CADM2: variants seen among roughly 807,000 people sequenced by gnomAD.
CADM2 encodes the protein immunoglobulin superfamily member 4D.
In CADM2, 12 loss-of-function variants were observed where a neutral mutation model predicts 49.8. The observed-to-expected ratio is 0.24, with a 90% CI of 0.15 to 0.39. CADM2 has a LOEUF of 0.39. Among genes scored for constraint, CADM2 ranks in the 10% least tolerant of loss-of-function variants. The probability of loss-of-function intolerance (pLI) is 1.00; values close to 1 mark genes in which losing one functional copy is unlikely to be tolerated. For synonymous variants in CADM2, 214 were observed against 175.4 expected (o/e 1.22, Z -1.74); for missense variants, 378 against 492.3 (o/e 0.77, Z 2.20).
At position 85,259,355 on chromosome 3, in the gene CADM2, CT is replaced by C. The variant is rs374397240; in HGVS notation, c.61+299696del. ...TGTTTAATTTAGAAGATTTTTATTGCTTTTTTTTTCCTAATCATTTCTGATG... is the reference window on the plus strand; with the variant it reads ...TGTTTAATTTAGAAGATTTTTATTGCTTTTTTTTCCTAATCATTTCTGATG... On this transcript the variant is annotated intron_variant, in intron 1 of 9. Transcript: ENST00000383699. Among the ~76,000 whole-genome samples, 603 of 150,654 alleles carry C rather than the reference CT, an allele frequency of 4.0e-3. 2 individuals are homozygous for C. Among genetic ancestry groups the C allele is most frequent in the Middle Eastern group, 0.024 (7 of 292 alleles).
In CADM2 at chr3:85,411,736, G is replaced by A. The variant is rs538141628; in HGVS notation, c.62-314786G>A. ...TTTCAAGCTAACAAATTGACCTTAC[G>A]AAAGACAGAGTTGAGAAGTTATGCA... On this transcript the variant is annotated intron_variant, in intron 1 of 9. Coordinates refer to ENST00000383699, the MANE Select transcript of CADM2 (RefSeq NM_001167675.2). Among the ~76,000 whole-genome samples the A allele has an allele frequency of 6.6e-5, 10 of 152,286 alleles. No homozygotes were observed. In the South Asian group the frequency reaches 1.9e-3, roughly 28 times the overall value.
chr3:85,115,691 T>G (rs1352909383), intron 1 of CADM2, among the ~76,000 whole-genome samples: 6 of 152,206 alleles, frequency 3.9e-5, no homozygotes. Context: ...TAAAAGGTTA[T>G]TAATATACAG....
intron 1 of CADM2, among the ~76,000 whole-genome samples, chr3:85,011,332 A>G (rs1043179291): frequency 6.6e-6 from 1 of 151,686 alleles, no homozygotes; most frequent in Non-Finnish European, 1.5e-5. Flanking sequence ...CTACATATTC[A>G]TATTTATTTA....
intron 1 of CADM2, among the ~76,000 whole-genome samples, chr3:85,318,500 C>T (rs2044523311): frequency 6.6e-6 from 1 of 151,836 alleles, no homozygotes; most frequent in Admixed American, 6.6e-5. Flanking sequence ...TGCCAAAAAC[C>T]AAACAGAAAA....
At chr3:85,838,435 C>T (rs2074496313) in intron 3 of CADM2, among the ~76,000 whole-genome samples, 3 of 151,706 alleles carry the variant, frequency 2.0e-5, no homozygotes. Flanking sequence ...CTTGTGCAAC[C>T]CACCTTGGAA....
intron 1 of CADM2, among the ~76,000 whole-genome samples, chr3:85,145,643 G>T (rs1263671877): frequency 6.6e-6 from 1 of 151,982 alleles, no homozygotes; most frequent in Non-Finnish European, 1.5e-5. Context: ...TAGTTTGGCA[G>T]GCAAAAGAAT....
intron 6 of CADM2, among the ~76,000 whole-genome samples, chr3:85,916,607 T>C (rs1038912316): frequency 3.9e-5 from 6 of 152,140 alleles, no homozygotes; most frequent in African/African-American, 1.4e-4. Flanking sequence ...GTCTTTGCTA[T>C]TGTAAATAGT....
At chr3:85,743,785 C>G (rs184075699) in intron 2 of CADM2, among the ~76,000 whole-genome samples, 2 of 151,950 alleles carry the variant, frequency 1.3e-5, no homozygotes, top group African/African-American at 4.8e-5. Context: ...AAAAGAGATT[C>G]TAAAGTATTT....
intron 8 of CADM2, chr3:86,012,694 T>TA: frequency 8.4e-7 from 1 of 1,193,674 alleles, no homozygotes; most frequent in Non-Finnish European, 1.2e-6. Context: ...ACTTAGAAGA[T>TA]AAAACACCTG....
intron 1 of CADM2, among the ~76,000 whole-genome samples, chr3:85,573,123 G>A (rs1253742891): frequency 6.6e-6 from 1 of 151,732 alleles, no homozygotes; most frequent in East Asian, 1.9e-4. Context: ...ACATCTACAT[G>A]ACAATCTCAA....
At chr3:85,378,524 C>T (rs1034248744) in intron 1 of CADM2, among the ~76,000 whole-genome samples, 1 of 151,938 alleles carries the variant, frequency 6.6e-6, no homozygotes, top group African/African-American at 2.4e-5. Flanking sequence ...TGAGGACAAA[C>T]CAAATCTATT....
At chr3:85,458,105 G>C (rs577903211) in intron 1 of CADM2, among the ~76,000 whole-genome samples, 3 of 152,110 alleles carry the variant, frequency 2.0e-5, no homozygotes, top group African/African-American at 7.2e-5. Context: ...GGAAGCAAAC[G>C]CTTGTTCTTT....
At chr3:85,208,776 C>T (rs1014003259) in intron 1 of CADM2, among the ~76,000 whole-genome samples, 5 of 152,022 alleles carry the variant, frequency 3.3e-5, no homozygotes, top group Non-Finnish European at 5.9e-5. Flanking sequence ...ATTGCCAAGT[C>T]CCCTCAGCTG....
intron 1 of CADM2, among the ~76,000 whole-genome samples, chr3:85,052,902 T>G (rs1038939401): frequency 6.6e-6 from 1 of 152,074 alleles, no homozygotes; most frequent in Non-Finnish European, 1.5e-5. Flanking sequence ...CAAATTTTCT[T>G]GTTTGTTCTA....
chr3:86,055,496 T>C (rs1439969280), intron 8 of CADM2, among the ~76,000 whole-genome samples: 2 of 141,616 alleles, frequency 1.4e-5, no homozygotes, highest in Non-Finnish European at 3.0e-5. Flanking sequence ...AGAGGGATTC[T>C]TGCTCTGTCA....
chr3:85,914,614 T>G (rs768822691), intron 6 of CADM2, among the ~76,000 whole-genome samples: 18 of 152,132 alleles, frequency 1.2e-4, no homozygotes, highest in Non-Finnish European at 2.1e-4. Flanking sequence ...AATAAAACAA[T>G]AAAAATCAGT....
At chr3:85,284,550 A>AAAG (rs890149148) in intron 1 of CADM2, among the ~76,000 whole-genome samples, 23 of 152,124 alleles carry the variant, frequency 1.5e-4, no homozygotes, top group African/African-American at 5.6e-4. Context: ...ACATCTAAGC[A>AAAG]AAGACTTGAA....
chr3:85,386,302 G>T (rs1268795335), intron 1 of CADM2, among the ~76,000 whole-genome samples: 2 of 152,102 alleles, frequency 1.3e-5, no homozygotes, highest in Non-Finnish European at 2.9e-5. Context: ...AGGGAACGTG[G>T]TCCAACCTTA....
intron 1 of CADM2, among the ~76,000 whole-genome samples, chr3:85,507,886 C>T (rs2040428792): frequency 6.6e-6 from 1 of 150,876 alleles, no homozygotes; most frequent in Admixed American, 6.7e-5. Context: ...AATGTTCTTG[C>T]ACTTTTTAAA....
Sources: allele counts gnomAD v4.1 joint callset (sites outside exome capture counted in the v4.1 genomes callset), GRCh38; gene constraint gnomAD v4.1.1; transcripts MANE v1.5; gene names NCBI Gene and HGNC (gene_info 2026-07-23, HGNC 2026-07-21).